Variants in PLXNA4 observed in about 807,000 individuals in gnomAD.
PLXNA4 encodes the protein plexin-A4.
Under a neutral mutation model 191.8 loss-of-function variants are expected in PLXNA4, and 44 were observed. The ratio of observed to expected loss-of-function variants is 0.23; its 90% CI spans 0.18 to 0.29. The LOEUF is 0.29. Among genes scored for constraint, PLXNA4 ranks in the 10% least tolerant of loss-of-function variants. The pLI is 1.00. For synonymous variants in PLXNA4, 1,082 were observed against 1,009.5 expected (o/e 1.07, Z -1.36); for missense variants, 1,800 against 2,488.8 (o/e 0.72, Z 5.89).
chr7:132,583,557 G>A (rs1802448427), intron 2 of PLXNA4, among the ~76,000 whole-genome samples: 1 of 152,188 alleles, frequency 6.6e-6, no homozygotes, highest in Non-Finnish European at 1.5e-5. Context: ...GGAAGAAAGA[G>A]GCAAAGAAGA....
Position 132,241,053 on chromosome 7 carries a change from C to A in PLXNA4, c.1604+13G>T. On this transcript the variant is annotated intron_variant, in intron 5 of 31. Coordinates refer to ENST00000321063, the MANE Select transcript of PLXNA4 (RefSeq NM_020911.2). ...AAGTGGGAGGCACGAGGCAGCCTCCCCATGGTACTCACGTGTTGTGCAGCA... is the reference window on the plus strand; with the variant it reads ...AAGTGGGAGGCACGAGGCAGCCTCCACATGGTACTCACGTGTTGTGCAGCA... 6.3e-7 allele frequency: 1 copy of A among 1,582,726 alleles called. No individual in the cohort carries two copies. Among genetic ancestry groups the A allele is most frequent in the South Asian group, 1.2e-5 (1 of 86,780 alleles).
At chr7:132,511,748 A>T (rs1346554815) in intron 1 of PLXNA4, among the ~76,000 whole-genome samples, 1 of 152,256 alleles carries the variant, frequency 6.6e-6, no homozygotes, top group East Asian at 1.9e-4. Context: ...ACATCTCAAG[A>T]TGAGTGATGA....
chr7:132,414,895 G>A lies in PLXNA4; in HGVS notation c.1371+74397C>T, dbSNP rs111444014. ...ATGCCAAAGGATCCATTTCCTAGTT[G>A]TAACTACAAATTCTTTCCAACGCCA... On this transcript the variant is annotated intron_variant, in intron 3 of 31. Coordinates refer to ENST00000321063, the MANE Select transcript of PLXNA4 (RefSeq NM_020911.2). Among the ~76,000 whole-genome samples, 926 of 152,238 alleles carry A rather than the reference G, an allele frequency of 6.1e-3. 5 individuals are homozygous for A. Among genetic ancestry groups the A allele is most frequent in the Non-Finnish European group, 7.9e-3 (534 of 68,016 alleles).
At chr7:132,178,835 TACACATATATACACACACAC>T (rs1796575745) in intron 20 of PLXNA4, among the ~76,000 whole-genome samples, 4 of 83,408 alleles carry the variant, frequency 4.8e-5, no homozygotes, top group Non-Finnish European at 6.1e-5. Context: ...CACATACACA[TACACATATATACACACACAC>T]ACACACACAC....
chr7:132,369,645 A>G (rs147217194), intron 3 of PLXNA4, among the ~76,000 whole-genome samples: 2 of 152,160 alleles, frequency 1.3e-5, no homozygotes, highest in Non-Finnish European at 2.9e-5. Flanking sequence ...CAGGCACTTC[A>G]TGTCTGCCCT....
At chr7:132,629,072 C>G (rs946788751) in intron 2 of PLXNA4, among the ~76,000 whole-genome samples, 2 of 152,184 alleles carry the variant, frequency 1.3e-5, no homozygotes, top group Non-Finnish European at 2.9e-5. Context: ...CAGGTATGCC[C>G]AGGCCCTTTT....
At chr7:132,537,342 G>A (rs907508948) in intron 1 of PLXNA4, among the ~76,000 whole-genome samples, 2 of 152,222 alleles carry the variant, frequency 1.3e-5, no homozygotes, top group Non-Finnish European at 2.9e-5. Context: ...CACCTACCAA[G>A]CACGACAAAT....
chr7:132,324,355 C>T (rs897384964), intron 3 of PLXNA4, among the ~76,000 whole-genome samples: 1 of 152,172 alleles, frequency 6.6e-6, no homozygotes, highest in Non-Finnish European at 1.5e-5. Flanking sequence ...GTTTGCATGT[C>T]ATGTAATCAC....
At chr7:132,262,382 G>C (rs1397601425) in intron 4 of PLXNA4, among the ~76,000 whole-genome samples, 2 of 152,202 alleles carry the variant, frequency 1.3e-5, no homozygotes, top group Non-Finnish European at 2.9e-5. Flanking sequence ...TCGGAGCCCA[G>C]ATGCTCTGAA....
chr7:132,485,217 C>T (rs1361461649), intron 3 of PLXNA4, among the ~76,000 whole-genome samples: 2 of 152,180 alleles, frequency 1.3e-5, no homozygotes, highest in East Asian at 3.9e-4. Context: ...ATGCATGTCC[C>T]GCAACAGGCT....
intron 3 of PLXNA4, among the ~76,000 whole-genome samples, chr7:132,415,067 T>G (rs1794612913): frequency 6.6e-6 from 1 of 152,206 alleles, no homozygotes; most frequent in Non-Finnish European, 1.5e-5. Flanking sequence ...CTTCAAAGTA[T>G]TCACACCCTA....
At chr7:132,484,926 C>T in intron 3 of PLXNA4, 2 of 1,614,168 alleles carry the variant, frequency 1.2e-6, no homozygotes, top group Non-Finnish European at 1.7e-6. Flanking sequence ...AGCATCTGTT[C>T]CTGAGAAGCA....
At chr7:132,621,258 T>TG (rs1803258015) in intron 2 of PLXNA4, among the ~76,000 whole-genome samples, 1 of 106,846 alleles carries the variant, frequency 9.4e-6, no homozygotes, top group African/African-American at 3.3e-5. Context: ...TTTTTTTTTT[T>TG]GGTTTTTTTG....
intron 3 of PLXNA4, among the ~76,000 whole-genome samples, chr7:132,488,747 C>T (rs1331654722): frequency 6.6e-6 from 1 of 152,174 alleles, no homozygotes. Flanking sequence ...CAGATCATAC[C>T]ATCTGACCTC....
chr7:132,638,356 C>T (rs141712284), intron 2 of PLXNA4, among the ~76,000 whole-genome samples: 1 of 152,244 alleles, frequency 6.6e-6, no homozygotes, highest in African/African-American at 2.4e-5. Flanking sequence ...AACTCCTATA[C>T]AAGAAAATGC....
intron 4 of PLXNA4, among the ~76,000 whole-genome samples, chr7:132,262,689 G>T (rs775846981): frequency 2.0e-5 from 3 of 152,062 alleles, no homozygotes; most frequent in Non-Finnish European, 4.4e-5. Context: ...TATTCCTTGC[G>T]TGCACTAAGG....
intron 4 of PLXNA4, among the ~76,000 whole-genome samples, chr7:132,246,808 CT>C (rs1562989686): frequency 2.7e-5 from 4 of 148,940 alleles, no homozygotes; most frequent in African/African-American, 1.0e-4. Flanking sequence ...CATCATCATC[CT>C]CATCATCATC....
chr7:132,185,895 C>G (rs905578112), intron 15 of PLXNA4, among the ~76,000 whole-genome samples: 2 of 152,156 alleles, frequency 1.3e-5, no homozygotes, highest in Non-Finnish European at 1.5e-5. Flanking sequence ...GGCTATAAAC[C>G]CCCTGCTGTC....
intron 3 of PLXNA4, among the ~76,000 whole-genome samples, chr7:132,429,180 G>A (rs1450242361): frequency 1.3e-5 from 2 of 152,160 alleles, no homozygotes; most frequent in Non-Finnish European, 2.9e-5. Context: ...AGAGAGAAAA[G>A]GTCTTGCCCC....
Sources: gnomAD v4.1 joint callset for allele counts (sites outside exome capture counted in the v4.1 genomes callset) on GRCh38, gnomAD v4.1.1 for gene constraint, MANE v1.5 for transcripts, NCBI Gene and HGNC (gene_info 2026-07-23, HGNC 2026-07-21) for gene names.